Variants in C2CD3 observed in about 807,000 individuals in gnomAD.
C2CD3 encodes C2 domain containing 3 centriole elongation regulator, also known as C2 domain-containing protein 3.
C2CD3 carries 148 observed loss-of-function variants against 234.0 expected under a neutral mutation model. That is an observed-to-expected ratio of 0.63 (90% confidence interval 0.55 to 0.72). The LOEUF is 0.72. C2CD3 is among the 30% of genes least tolerant of loss of function. The pLI, the probability that C2CD3 is intolerant of heterozygous loss-of-function variation, is 0.00. For synonymous variants in C2CD3, 1,000 were observed against 1,035.4 expected (o/e 0.97, Z 0.66); for missense variants, 2,577 against 2,811.5 (o/e 0.92, Z 1.89).
intron 24 of C2CD3, among the ~76,000 whole-genome samples, chr11:74,066,068 A>T (rs1292388413): frequency 6.8e-6 from 1 of 147,332 alleles, no homozygotes; most frequent in Non-Finnish European, 1.5e-5. Flanking sequence ...TATAATAAAA[A>T]ATAAAATAGA....
At chr11:74,159,585 G>A (rs753023455) in intron 3 of C2CD3, among the ~76,000 whole-genome samples, 10 of 151,808 alleles carry the variant, frequency 6.6e-5, no homozygotes, top group Admixed American at 1.3e-4. Flanking sequence ...TTATAGAATA[G>A]GGATATAAAA....
intron 7 of C2CD3, among the ~76,000 whole-genome samples, chr11:74,127,259 G>A (rs548296574): frequency 2.0e-5 from 3 of 152,238 alleles, no homozygotes; most frequent in South Asian, 4.1e-4. Flanking sequence ...CTCCCAACTC[G>A]GCCTGCCAGA....
rs554340274 is a variant in C2CD3, at chr11:74,057,053, C to T, written c.5090+353G>A. ...AGCTGGGATTACAGGCATGTGTCAC[C>T]AAACCCAGCTTGATGGTAATTTGTT... On this transcript the variant is annotated intron_variant, in intron 25 of 32. Coordinates refer to ENST00000334126, the MANE Select transcript of C2CD3 (RefSeq NM_001286577.2). Among the ~76,000 whole-genome samples the T allele has an allele frequency of 3.3e-5, 5 of 152,166 alleles. No individual in the cohort carries two copies. In the South Asian group the frequency reaches 1.0e-3, roughly 32 times the overall value.
chr11:74,074,209 C>G, intron 24 of C2CD3, 44 bp downstream of exon 24: 1 of 1,352,054 alleles, frequency 7.4e-7, no homozygotes, highest in South Asian at 1.3e-5. Flanking sequence ...AGGAGCACAC[C>G]CTGAAGAGTT....
intron 10 of C2CD3, 151 bp downstream of exon 10, chr11:74,114,233 G>T: frequency 3.1e-6 from 2 of 648,522 alleles, no homozygotes. Context: ...CACAGTTCTT[G>T]GGATATAGCA....
In C2CD3 at chr11:74,028,245, T is replaced by G. The variant is rs73555969; in HGVS notation, c.6921+42A>C. The G allele has an allele frequency of 3.7e-3, 5,079 of 1,354,678 alleles. 159 individuals are homozygous for G. In the African/African-American group the frequency reaches 0.066, roughly 17 times the overall value. 83.9% of individuals were successfully genotyped at this position (1,354,678 alleles called of 1,614,324 possible). On this transcript the variant is annotated intron_variant, in intron 32 of 32. Coordinates refer to ENST00000334126, the MANE Select transcript of C2CD3 (RefSeq NM_001286577.2). The stretch of plus-strand genomic sequence containing the variant: ...TCTGTGCACACTTCTGTGGAAGAGA[T>G]GATGACTCTATAGAAGAAAGGTCAG...
chr11:74,059,385 T>A lies in C2CD3; in HGVS notation c.4952-1841A>T, dbSNP rs994225412. Among the ~76,000 whole-genome samples, 9 of 120,438 alleles carry A rather than the reference T, an allele frequency of 7.5e-5. No homozygotes were observed. The South Asian group carries it at 2.3e-3, about 31-fold the overall frequency. 79.0% of individuals were successfully genotyped at this position (120,438 alleles called of 152,430 possible). On this transcript the variant is annotated intron_variant, in intron 24 of 32. Transcript: ENST00000334126. ...GAGATTGCACCACTGCACTCCAGCC[T>A]GGGTGACAGAGCGAGACTCTGTCTC...
intron 29 of C2CD3, among the ~76,000 whole-genome samples, chr11:74,040,619 G>A (rs1463509098): frequency 6.6e-6 from 1 of 151,978 alleles, no homozygotes; most frequent in Non-Finnish European, 1.5e-5. Flanking sequence ...AGCTGGGTGT[G>A]GTTATGGGCA....
rs574411402 is a variant in C2CD3, at chr11:74,127,748, A to G, written c.1218-4613T>C. Among the ~76,000 whole-genome samples the G allele has an allele frequency of 3.9e-5, 6 of 152,288 alleles. No homozygotes were observed. The South Asian group carries it at 1.2e-3, about 32-fold the overall frequency. ...TGCCAGCAGTGTACCAGGGTTTCAA[A>G]TTCTCCACATCCTCATTAATGCATA... On this transcript the variant is annotated intron_variant, in intron 7 of 32. Coordinates refer to ENST00000334126, the MANE Select transcript of C2CD3 (RefSeq NM_001286577.2).
intron 24 of C2CD3, among the ~76,000 whole-genome samples, chr11:74,058,392 C>G (rs187657002): frequency 3.2e-4 from 49 of 152,098 alleles, no homozygotes; most frequent in Non-Finnish European, 6.0e-4. Context: ...TTACAACAAC[C>G]CTATAAGATA....
chr11:74,032,451 C>T (rs928816223), intron 31 of C2CD3, among the ~76,000 whole-genome samples: 3 of 151,708 alleles, frequency 2.0e-5, no homozygotes, highest in Non-Finnish European at 4.4e-5. Flanking sequence ...ACATGCCAGT[C>T]TGTGTTTAAA....
At position 74,107,322 on chromosome 11, in the gene C2CD3, T is replaced by TCTCACACACA. The variant is rs948551188; in HGVS notation, c.1963-830_1963-829insTGTGTGTGAG. The stretch of plus-strand genomic sequence containing the variant: ...CCTGGGCAACAAGAATGAAACTGTG[T>TCTCACACACA]CACACACACACACACACACACACAC... On this transcript the variant is annotated intron_variant, in intron 12 of 32. Coordinates refer to ENST00000334126, the MANE Select transcript of C2CD3 (RefSeq NM_001286577.2). Among the ~76,000 whole-genome samples the TCTCACACACA allele has an allele frequency of 1.6e-3, 234 of 146,620 alleles. 1 individual carries two copies. Among genetic ancestry groups the TCTCACACACA allele is most frequent in the African/African-American group, 3.6e-3 (143 of 39,772 alleles).
At position 74,033,828 on chromosome 11, in the gene C2CD3, G is replaced by A; in HGVS notation, c.6332C>T (p.Ser2111Phe). 1.3e-6 allele frequency: 2 copies of A among 1,536,234 alleles called. No individual in the cohort carries two copies. Among genetic ancestry groups the A allele is most frequent in the African/African-American group, 2.7e-5 (2 of 73,166 alleles). Residue 2111 changes from serine (S) to phenylalanine (F), a missense_variant, in exon 31 of 33, where the codon TCT (serine) becomes TTT (phenylalanine). Physicochemically the swap from Ser to Phe is radical, Grantham distance 155. Transcript: ENST00000334126. ...QPDEVQREGP[S>F]CPSPGPFCRE... ...GCAGAAAGGCCCTGGAGAAGGACAA[G>A]AGGGGCCTTCCCTCTGCACCTCGTC... is the stretch of plus-strand genomic sequence containing the variant.
At chr11:74,165,931 T>C (rs1270769059) in intron 2 of C2CD3, among the ~76,000 whole-genome samples, 1 of 152,172 alleles carries the variant, frequency 6.6e-6, no homozygotes, top group African/African-American at 2.4e-5. Context: ...TGGCCTCAAG[T>C]GATCTTCCTG....
intron 9 of C2CD3, 116 bp downstream of exon 9, chr11:74,118,112 T>G (rs954307005): frequency 1.5e-6 from 1 of 662,344 alleles, no homozygotes; most frequent in African/African-American, 1.8e-5. Context: ...TTTACTGAGT[T>G]ATTGTAATTA....
At chr11:74,096,861 C>T (rs1478128137) in intron 16 of C2CD3, among the ~76,000 whole-genome samples, 1 of 152,048 alleles carries the variant, frequency 6.6e-6, no homozygotes, top group Non-Finnish European at 1.5e-5. Flanking sequence ...TAAGAAATAA[C>T]TGGCCAGGTG....
chr11:74,126,354 C>G (rs930588420), intron 7 of C2CD3, among the ~76,000 whole-genome samples: 2 of 152,028 alleles, frequency 1.3e-5, no homozygotes, highest in African/African-American at 4.8e-5. Flanking sequence ...CTTGGTGTAT[C>G]TTTTTTCATT....
At chr11:74,116,220 A>G (rs1030033624) in intron 9 of C2CD3, among the ~76,000 whole-genome samples, 1 of 152,218 alleles carries the variant, frequency 6.6e-6, no homozygotes, top group Non-Finnish European at 1.5e-5. Context: ...TTCACAATCT[A>G]TACATCTGAC....
In C2CD3 at chr11:74,084,946, G is replaced by T; in HGVS notation, c.3935C>A (p.Ser1312Ter). 1 of 1,610,450 alleles carries T rather than the reference G, an allele frequency of 6.2e-7. No homozygotes were observed. The highest frequency in any genetic ancestry group is 1.1e-5 in the South Asian group (1 of 90,932). Residue 1312 changes from serine to a stop codon, truncating the protein, a stop_gained, in exon 22 of 33, where the codon TCA becomes TAA. Coordinates refer to ENST00000334126, the MANE Select transcript of C2CD3 (RefSeq NM_001286577.2). LOFTEE classifies it high-confidence loss of function. ...KSASDIISIE[S>*]CKEYLLGVVK... is the part of the protein sequence containing the mutation. ...TACTCCAAGCAGATACTCTTTGCAT[G>T]ACTCAATACTGATTATATCACTTGC...
Sources: gnomAD v4.1 joint callset for allele counts (sites outside exome capture counted in the v4.1 genomes callset) on GRCh38, gnomAD v4.1.1 for gene constraint, MANE v1.5 for transcripts, NCBI Gene and HGNC (gene_info 2026-07-23, HGNC 2026-07-21) for gene names.